LRRTM4: variants seen among roughly 807,000 people sequenced by gnomAD.
LRRTM4 encodes the protein leucine-rich repeat transmembrane neuronal protein 4.
Under a neutral mutation model 47.6 loss-of-function variants are expected in LRRTM4, and 25 were observed. The observed-to-expected ratio is 0.53, with a 90% CI of 0.38 to 0.73. The LOEUF (loss-of-function observed/expected upper bound fraction) is 0.73. LRRTM4 is among the 30% of genes least tolerant of loss of function. LRRTM4 has a pLI of 0.00. For missense variants in LRRTM4, 638 were observed against 713.4 expected, an observed-to-expected ratio of 0.89 and a Z score of 1.20; for synonymous variants, 311 against 269.5, an observed-to-expected ratio of 1.15 and a Z score of -1.51.
intron 3 of LRRTM4, among the ~76,000 whole-genome samples, chr2:77,065,861 A>T (rs1318477234): frequency 6.6e-6 from 1 of 152,206 alleles, no homozygotes; most frequent in East Asian, 1.9e-4. Context: ...GGTAAAAAGG[A>T]GAATGATGCT....
chr2:76,939,351 G>C (rs1311589346), intron 3 of LRRTM4, among the ~76,000 whole-genome samples: 1 of 152,048 alleles, frequency 6.6e-6, no homozygotes, highest in Non-Finnish European at 1.5e-5. Flanking sequence ...TACTCCTAAA[G>C]GCCTTAGAAT....
intron 3 of LRRTM4, among the ~76,000 whole-genome samples, chr2:77,220,642 T>G (rs1200372613): frequency 6.6e-6 from 1 of 151,952 alleles, no homozygotes; most frequent in East Asian, 1.9e-4. Context: ...AAGTGAGAAG[T>G]GAAGTTTAGA....
chr2:77,084,313 G>A (rs1439048613), intron 3 of LRRTM4, among the ~76,000 whole-genome samples: 6 of 152,132 alleles, frequency 3.9e-5, no homozygotes, highest in Non-Finnish European at 5.9e-5. Context: ...CTTGAACCCC[G>A]AAGATGAAGA....
rs57874749 is a variant in LRRTM4 at position 76,916,384 on chromosome 2, C to CAAAAAAAAAAAAAAAAAAAA, written c.1552-167488_1552-167469dup. ...TGGGCGACAGAGCGAGACTGTGTCT[C>CAAAAAAAAAAAAAAAAAAAA]AAAAAAAAAAAAAAAAAAAAAAAGA... On this transcript the variant is annotated intron_variant, in intron 3 of 3. Coordinates refer to ENST00000409884, the MANE Select transcript of LRRTM4 (RefSeq NM_001134745.3). Among the ~76,000 whole-genome samples, 15 of 53,504 alleles carry CAAAAAAAAAAAAAAAAAAAA rather than the reference C, an allele frequency of 2.8e-4. 1 individual carries two copies. The highest frequency in any genetic ancestry group is 8.0e-4 in the African/African-American group (10 of 12,558). The allele number at this position is 53,504 out of a possible 152,430, so 35.1% of individuals were successfully genotyped here. A position where few individuals can be genotyped will look rare whatever the true frequency, so the allele number is the denominator to read the frequency against.
At chr2:76,968,919 C>A (rs545412915) in intron 3 of LRRTM4, among the ~76,000 whole-genome samples, 2 of 151,772 alleles carry the variant, frequency 1.3e-5, no homozygotes, top group Admixed American at 6.6e-5. Context: ...CTAGCTCCTC[C>A]GTCAGTGCCT....
chr2:77,010,347 T>A (rs1010270502), intron 3 of LRRTM4, among the ~76,000 whole-genome samples: 6 of 58,322 alleles, frequency 1.0e-4, no homozygotes, highest in African/African-American at 2.8e-4. Context: ...ATGAGTTTGA[T>A]TTTTTTTACA....
Position 76,873,506 on chromosome 2 carries a change from G to GTGTGTATATATA in LRRTM4, c.1552-124591_1552-124590insTATATATACACA, listed in dbSNP as rs367573475. Reference sequence around the variant, plus strand: ...TATGTGTGTGTGTATATATATGTGTGTATATATATATATATATATATATAT... The same window carrying GTGTGTATATATA: ...TATGTGTGTGTGTATATATATGTGTGTGTGTATATATATATATATATATATATATATATATAT... On this transcript the variant is annotated intron_variant, in intron 3 of 3. Transcript: ENST00000409884. Among the ~76,000 whole-genome samples the GTGTGTATATATA allele has an allele frequency of 6.6e-4, 74 of 112,312 alleles. 3 individuals carry two copies. The highest frequency in any genetic ancestry group is 5.6e-3 in the South Asian group (20 of 3,594). 73.7% of individuals were successfully genotyped at this position (112,312 alleles called of 152,430 possible). A position where few individuals can be genotyped will look rare whatever the true frequency, so the allele number is the denominator to read the frequency against.
At chr2:76,840,819 T>A (rs1264502351) in intron 3 of LRRTM4, among the ~76,000 whole-genome samples, 1 of 152,122 alleles carries the variant, frequency 6.6e-6, no homozygotes, top group African/African-American at 2.4e-5. Context: ...ACTTTTACAC[T>A]GTTGGTGGGA....
At chr2:76,828,374 T>TGAAGTGGAAGCAATATCAC (rs1671244274) in intron 3 of LRRTM4, among the ~76,000 whole-genome samples, 1 of 151,948 alleles carries the variant, frequency 6.6e-6, no homozygotes, top group African/African-American at 2.4e-5. Context: ...AGCAATAATA[T>TGAAGTGGAAGCAATATCAC]GAAGTGGAAG....
chr2:77,172,457 G>A lies in LRRTM4; in HGVS notation c.1551+345861C>T, dbSNP rs79797691. Among the ~76,000 whole-genome samples the A allele has an allele frequency of 8.8e-3, 1,345 of 152,234 alleles. 27 individuals are homozygous for A. Among genetic ancestry groups the A allele is most frequent in the African/African-American group, 0.031 (1,289 of 41,544 alleles). On this transcript the variant is annotated intron_variant, in intron 3 of 3. Coordinates refer to ENST00000409884, the MANE Select transcript of LRRTM4 (RefSeq NM_001134745.3). ...TAAAAATACAAAACTAGCCAGACGT[G>A]GTGGGTCATGCCTGTAATCTCAGCT...
intron 3 of LRRTM4, among the ~76,000 whole-genome samples, chr2:77,223,816 A>G (rs1254877079): frequency 6.6e-6 from 1 of 152,214 alleles, no homozygotes; most frequent in Non-Finnish European, 1.5e-5. Flanking sequence ...TGCCATCCCT[A>G]TCAAGCTACC....
At chr2:76,759,561 G>A (rs1433009965) in intron 3 of LRRTM4, among the ~76,000 whole-genome samples, 5 of 152,112 alleles carry the variant, frequency 3.3e-5, no homozygotes, top group Admixed American at 1.3e-4. Flanking sequence ...GAACTTTGGT[G>A]ATTTTGTAAA....
At chr2:77,336,180 GAAGA>G (rs1260097949) in intron 3 of LRRTM4, among the ~76,000 whole-genome samples, 1 of 147,310 alleles carries the variant, frequency 6.8e-6, no homozygotes, top group Non-Finnish European at 1.5e-5. Flanking sequence ...AGGAAGGAAG[GAAGA>G]AAGGAAAGAA....
chr2:77,085,076 G>C (rs1041477119), intron 3 of LRRTM4, among the ~76,000 whole-genome samples: 2 of 152,082 alleles, frequency 1.3e-5, no homozygotes, highest in Non-Finnish European at 2.9e-5. Flanking sequence ...AATTTTAAAA[G>C]AAATCCTTTC....
At position 77,043,915 on chromosome 2, in the gene LRRTM4, T is replaced by C. The variant is rs139362259; in HGVS notation, c.1552-294999A>G. Among the ~76,000 whole-genome samples the C allele has an allele frequency of 1.0e-2, 1,514 of 151,750 alleles. 25 individuals carry two copies. The highest frequency in any genetic ancestry group is 0.035 in the African/African-American group (1,439 of 41,448). On this transcript the variant is annotated intron_variant, in intron 3 of 3. Transcript: ENST00000409884. The stretch of plus-strand genomic sequence containing the variant: ...AGCCCATAAACAGGTAAAAACATTT[T>C]TTTTTTTACCCACATACTAGAATAG...
chr2:77,484,454 C>A (rs1275101274), intron 3 of LRRTM4, among the ~76,000 whole-genome samples: 1 of 152,120 alleles, frequency 6.6e-6, no homozygotes, highest in African/African-American at 2.4e-5. Context: ...TACCTTTGAG[C>A]AAGACTTGAG....
At chr2:76,790,619 C>G (rs1674920938) in intron 3 of LRRTM4, among the ~76,000 whole-genome samples, 1 of 152,058 alleles carries the variant, frequency 6.6e-6, no homozygotes, top group Non-Finnish European at 1.5e-5. Flanking sequence ...TAAAATAATT[C>G]CCATTGCTAT....
intron 3 of LRRTM4, among the ~76,000 whole-genome samples, chr2:77,378,193 C>T (rs1232401621): frequency 6.6e-6 from 1 of 151,512 alleles, no homozygotes; most frequent in African/African-American, 2.4e-5. Context: ...ATATATTTAT[C>T]TGTTGTATTT....
At chr2:77,508,262 T>C (rs967848720) in intron 3 of LRRTM4, among the ~76,000 whole-genome samples, 1 of 152,142 alleles carries the variant, frequency 6.6e-6, no homozygotes, top group Non-Finnish European at 1.5e-5. Flanking sequence ...AATCAGACTT[T>C]TGGGGATTAC....
Sources: gnomAD v4.1 joint callset for allele counts (sites outside exome capture counted in the v4.1 genomes callset) on GRCh38, gnomAD v4.1.1 for gene constraint, MANE v1.5 for transcripts, NCBI Gene and HGNC (gene_info 2026-07-23, HGNC 2026-07-21) for gene names.